The following KIRREL3 variants were observed in gnomAD, a reference collection of about 807,000 sequenced individuals.
KIRREL3 encodes the protein kin of IRRE-like protein 3.
A neutral mutation model predicts 89.7 loss-of-function variants in KIRREL3; 36 were observed. The observed-to-expected ratio is 0.40, with a 90% CI of 0.31 to 0.53. The LOEUF (loss-of-function observed/expected upper bound fraction) is 0.53, where lower values mean the gene tolerates loss of function less well. Ranked by LOEUF, KIRREL3 falls within the 20% of genes least tolerant of loss-of-function variation. KIRREL3 has a pLI of 0.49. For missense variants in KIRREL3, 864 were observed against 1,056.6 expected, an observed-to-expected ratio of 0.82 and a Z score of 2.53; for synonymous variants, 445 against 441.4, an observed-to-expected ratio of 1.01 and a Z score of -0.10.
chr11:126,794,017 T>A (rs1225070910), intron 1 of KIRREL3, among the ~76,000 whole-genome samples: 1 of 152,170 alleles, frequency 6.6e-6, no homozygotes, highest in Non-Finnish European at 1.5e-5. Context: ...ATAATTTGAC[T>A]AGGGAGAGAG....
intron 2 of KIRREL3, among the ~76,000 whole-genome samples, chr11:126,529,074 G>C (rs892808911): frequency 1.3e-5 from 2 of 152,242 alleles, no homozygotes; most frequent in East Asian, 3.9e-4. Flanking sequence ...AGCAGTGCCC[G>C]AGCCCTCTGA....
chr11:126,433,537 C>T (rs1955211607), intron 13 of KIRREL3, among the ~76,000 whole-genome samples: 1 of 152,132 alleles, frequency 6.6e-6, no homozygotes, highest in Non-Finnish European at 1.5e-5. Context: ...GCCAGGACAG[C>T]TGTAGGGGTG....
chr11:126,760,789 A>G (rs1401489794), intron 1 of KIRREL3, among the ~76,000 whole-genome samples: 18 of 152,190 alleles, frequency 1.2e-4, no homozygotes, highest in Admixed American at 1.2e-3. Context: ...TCTGAGTCTC[A>G]GTTTGCTTAT....
rs1017707906 is a variant in KIRREL3 at position 126,463,185 on chromosome 11, C to T, written c.714G>A (p.Lys238=). The T allele has an allele frequency of 1.9e-6, 3 of 1,613,694 alleles. No individual in the cohort carries two copies. Among genetic ancestry groups the T allele is most frequent in the Non-Finnish European group, 2.5e-6 (3 of 1,179,860 alleles). ...RATNKAIPGG[K]ETSVTIDIQH... is the part of the protein sequence containing the mutation. ...GGATGTCAATGGTGACCGACGTCTC[C>T]TTTCCTCCGGGGATGGCTTTGTTGG... The change falls in exon 6 of 17, where the codon AAG becomes AAA. Residue 238 remains lysine, a synonymous_variant. Coordinates refer to ENST00000525144, the MANE Select transcript of KIRREL3 (RefSeq NM_032531.4). This position sits in a 1 kb window ranked among gnomAD's most constrained non-coding sequence, Gnocchi z 5.9.
upstream of KIRREL3, chr11:127,000,989 A>C: frequency 4.2e-6 from 1 of 237,358 alleles, no homozygotes; most frequent in Non-Finnish European, 8.0e-6. The surrounding 1 kb of genome is among the most constrained non-coding windows in gnomAD (Gnocchi z 7.1). Context: ...TTTTCCCTAA[A>C]TAGGGAAAAA....
In KIRREL3 at chr11:126,771,622, G is replaced by T. The variant is rs1341277146; in HGVS notation, c.56-208710C>A. Among the ~76,000 whole-genome samples, 2 of 152,174 alleles carry T rather than the reference G, an allele frequency of 1.3e-5. No homozygotes were observed. The highest frequency in any genetic ancestry group is 4.8e-5 in the African/African-American group (2 of 41,424). Reference sequence around the variant, plus strand: ...GACACTGTCTTTCACATTCAGTGCTGTATTACCAGTGCTCCTCCTGATCTC... The same window carrying T: ...GACACTGTCTTTCACATTCAGTGCTTTATTACCAGTGCTCCTCCTGATCTC... On this transcript the variant is annotated intron_variant, in intron 1 of 16. Coordinates refer to ENST00000525144, the MANE Select transcript of KIRREL3 (RefSeq NM_032531.4). This position sits in a 1 kb window ranked among gnomAD's most constrained non-coding sequence, Gnocchi z 4.4.
chr11:126,922,104 GATCT>G (rs200326360), intron 1 of KIRREL3, among the ~76,000 whole-genome samples: 1,898 of 119,048 alleles, frequency 0.016, 19 homozygotes, highest in South Asian at 0.055. Flanking sequence ...TCTATCTATC[GATCT>G]ATCTATCTGT....
chr11:126,762,278 G>A (rs1204770552), intron 1 of KIRREL3, among the ~76,000 whole-genome samples: 2 of 152,168 alleles, frequency 1.3e-5, no homozygotes. Context: ...GCCCTGGTGA[G>A]TGCTGTTCTG....
At chr11:126,861,972 G>A (rs1041778539) in intron 1 of KIRREL3, among the ~76,000 whole-genome samples, 4 of 152,234 alleles carry the variant, frequency 2.6e-5, no homozygotes, top group Non-Finnish European at 5.9e-5. Flanking sequence ...CATGAGCATG[G>A]CTCGTAGGCA....
intron 1 of KIRREL3, among the ~76,000 whole-genome samples, chr11:126,699,228 T>A (rs898855504): frequency 6.6e-6 from 1 of 152,228 alleles, no homozygotes; most frequent in Admixed American, 6.5e-5. Flanking sequence ...GAGGCGATTT[T>A]GACAGAGCCA....
At position 126,965,219 on chromosome 11, in the gene KIRREL3, G is replaced by T. The variant is rs1175910780; in HGVS notation, c.55+35236C>A. Among the ~76,000 whole-genome samples, 1 of 152,184 alleles carries T rather than the reference G, an allele frequency of 6.6e-6. No homozygotes were observed. Among genetic ancestry groups the T allele is most frequent in the Admixed American group, 6.5e-5 (1 of 15,280 alleles). ...TTAACATTCCTGGTCAAATTAATAAGTCCACTTGGTTTGATTACTTTCATT... is the reference window on the plus strand; with the variant it reads ...TTAACATTCCTGGTCAAATTAATAATTCCACTTGGTTTGATTACTTTCATT... On this transcript the variant is annotated intron_variant, in intron 1 of 16. Coordinates refer to ENST00000525144, the MANE Select transcript of KIRREL3 (RefSeq NM_032531.4). This position sits in a 1 kb window ranked among gnomAD's most constrained non-coding sequence, Gnocchi z 4.4.
Position 126,427,698 on chromosome 11 carries a change from A to C in KIRREL3, c.1806+1481T>G, listed in dbSNP as rs1231513661. On this transcript the variant is annotated intron_variant, in intron 15 of 16. Transcript: ENST00000525144. The surrounding 1 kb of genome is among the most constrained non-coding windows in gnomAD (Gnocchi z 5.3). ...ACCAGGAAGTTGGGCTTTGTCCAGC[A>C]GATGTGGGGAGCCACCGAGGGATTT... 6.6e-6 allele frequency among the ~76,000 whole-genome samples: 1 copy of C among 152,218 alleles called. No individual in the cohort carries two copies. The highest frequency in any genetic ancestry group is 1.5e-5 in the Non-Finnish European group (1 of 68,048).
In KIRREL3 at chr11:126,656,982, G is replaced by T. The variant is rs1365528984; in HGVS notation, c.56-94070C>A. On this transcript the variant is annotated intron_variant, in intron 1 of 16. Coordinates refer to ENST00000525144, the MANE Select transcript of KIRREL3 (RefSeq NM_032531.4). This position sits in a 1 kb window ranked among gnomAD's most constrained non-coding sequence, Gnocchi z 4.0. The stretch of plus-strand genomic sequence containing the variant: ...CATGAGAGTGGCTTGAACCCAGGAG[G>T]CTAGGGTTGTGGTGAGCTGAGATCA... Among the ~76,000 whole-genome samples the T allele has an allele frequency of 6.6e-6, 1 of 151,908 alleles. No individual in the cohort carries two copies. The highest frequency in any genetic ancestry group is 1.5e-5 in the Non-Finnish European group (1 of 67,984).
chr11:126,743,452 A>G (rs1407616789), intron 1 of KIRREL3, among the ~76,000 whole-genome samples: 1 of 152,222 alleles, frequency 6.6e-6, no homozygotes, highest in African/African-American at 2.4e-5. Context: ...AGAGGTATTT[A>G]CTGCATGTCT....
At chr11:126,949,545 G>A (rs1948718358) in intron 1 of KIRREL3, among the ~76,000 whole-genome samples, 1 of 152,140 alleles carries the variant, frequency 6.6e-6, no homozygotes, top group Non-Finnish European at 1.5e-5. Flanking sequence ...TTTTTGCCTG[G>A]ATGCTCTCAC....
intron 1 of KIRREL3, among the ~76,000 whole-genome samples, chr11:126,958,232 A>C (rs746233965): frequency 1.3e-5 from 2 of 152,242 alleles, no homozygotes; most frequent in African/African-American, 2.4e-5. Context: ...TAATTGTGTA[A>C]TTGTGACCAT....
chr11:126,440,114 C>T, intron 11 of KIRREL3: 1 of 526,356 alleles, frequency 1.9e-6, no homozygotes, highest in Non-Finnish European at 3.6e-6. Flanking sequence ...TAAAGACTGG[C>T]CTGGAGCCCA....
Position 126,535,075 on chromosome 11 carries a change from C to G in KIRREL3, c.134-8388G>C, listed in dbSNP as rs547997720. On this transcript the variant is annotated intron_variant, in intron 2 of 16. Coordinates refer to ENST00000525144, the MANE Select transcript of KIRREL3 (RefSeq NM_032531.4). The surrounding 1 kb of genome is among the most constrained non-coding windows in gnomAD (Gnocchi z 4.5). Reference sequence around the variant, plus strand: ...GGCAGGAGGTGGAGCATTTGGTGGCCTTTTGGGGGCTCTGGTTATGGGGCA... The same window carrying G: ...GGCAGGAGGTGGAGCATTTGGTGGCGTTTTGGGGGCTCTGGTTATGGGGCA... Among the ~76,000 whole-genome samples, 4 of 152,010 alleles carry G rather than the reference C, an allele frequency of 2.6e-5. No individual in the cohort carries two copies. The highest frequency in any genetic ancestry group is 5.9e-5 in the Non-Finnish European group (4 of 68,006).
At chr11:126,707,571 G>A (rs1947582930) in intron 1 of KIRREL3, among the ~76,000 whole-genome samples, 1 of 152,144 alleles carries the variant, frequency 6.6e-6, no homozygotes, top group African/African-American at 2.4e-5. Flanking sequence ...CAATACTGAA[G>A]GCTGCTTCTT....
Sources: gnomAD v4.1 joint callset for allele counts (sites outside exome capture counted in the v4.1 genomes callset) on GRCh38, gnomAD v4.1.1 for gene constraint, Gnocchi (gnomAD v3.1) non-coding constraint, MANE v1.5 for transcripts, NCBI Gene and HGNC (gene_info 2026-07-23, HGNC 2026-07-21) for gene names.